The following KIAA1217 variants were observed in gnomAD, a reference collection of about 807,000 sequenced individuals.
KIAA1217 encodes the protein sickle tail protein homolog.
KIAA1217 carries 88 observed loss-of-function variants against 163.9 expected under a neutral mutation model. That is an observed-to-expected ratio of 0.54 (90% CI 0.45 to 0.64). The LOEUF is 0.64. KIAA1217 is among the 30% of genes least tolerant of loss of function. KIAA1217 has a pLI of 0.00. For missense variants in KIAA1217, 2,372 were observed against 2,475.0 expected (o/e 0.96, Z 0.88); for synonymous variants, 903 against 923.1 (o/e 0.98, Z 0.39).
At chr10:24,054,284 G>A (rs550097787) in intron 2 of KIAA1217, among the ~76,000 whole-genome samples, 2 of 152,312 alleles carry the variant, frequency 1.3e-5, no homozygotes, top group East Asian at 3.9e-4. Context: ...AGTTGAATAC[G>A]TGGATCTAGA....
intron 1 of KIAA1217, among the ~76,000 whole-genome samples, chr10:23,925,527 A>G (rs1842987928): frequency 1.3e-5 from 2 of 152,224 alleles, no homozygotes; most frequent in African/African-American, 4.8e-5. Flanking sequence ...CTCGTTTAAT[A>G]CATTTCCAAG....
chr10:24,277,162 T>C (rs941691263), intron 2 of KIAA1217, among the ~76,000 whole-genome samples: 12 of 152,254 alleles, frequency 7.9e-5, no homozygotes, highest in Admixed American at 7.2e-4. Context: ...TTCAAATTGC[T>C]CTTTAACTCT....
intron 5 of KIAA1217, among the ~76,000 whole-genome samples, chr10:24,450,804 G>A (rs1468795647): frequency 6.6e-6 from 1 of 152,170 alleles, no homozygotes; most frequent in Admixed American, 6.6e-5. Flanking sequence ...AAGTAACAGA[G>A]CTGGGATTTA....
intron 1 of KIAA1217, among the ~76,000 whole-genome samples, chr10:23,966,953 A>AT (rs1845089834): frequency 6.6e-6 from 1 of 152,162 alleles, no homozygotes; most frequent in African/African-American, 2.4e-5. Flanking sequence ...TGACCCTTTT[A>AT]TTTTAAAACT....
intron 2 of KIAA1217, among the ~76,000 whole-genome samples, chr10:24,288,923 A>G (rs746535180): frequency 1.3e-5 from 2 of 152,194 alleles, no homozygotes; most frequent in South Asian, 2.1e-4. Context: ...GGCAAGTCCA[A>G]TGAGAAGGGT....
intron 1 of KIAA1217, among the ~76,000 whole-genome samples, chr10:23,739,487 A>G (rs748187309): frequency 2.0e-5 from 3 of 152,196 alleles, no homozygotes; most frequent in Admixed American, 6.5e-5. Context: ...TCAGTTGTGT[A>G]TGTTTCATAA....
At chr10:24,266,058 T>C (rs1326028751) in intron 2 of KIAA1217, among the ~76,000 whole-genome samples, 1 of 152,018 alleles carries the variant, frequency 6.6e-6, no homozygotes, top group Admixed American at 6.6e-5. Context: ...AACATCAAAT[T>C]TGTGTATCTG....
rs1394490051 is a variant in KIAA1217, at chr10:23,990,714, T to C, written c.-320-16511T>C. ...TTACTATAGGAAGAGCAAAGAGTCATGAGCAAATAAAAATGTAAGGAACTG... is the reference window on the plus strand; with the variant it reads ...TTACTATAGGAAGAGCAAAGAGTCACGAGCAAATAAAAATGTAAGGAACTG... On this transcript the variant is annotated intron_variant, in intron 1 of 18. Transcript: ENST00000376462. Among the ~76,000 whole-genome samples, 11 of 152,216 alleles carry C rather than the reference T, an allele frequency of 7.2e-5. 1 individual carries two copies. The highest frequency in any genetic ancestry group is 7.2e-4 in the Admixed American group (11 of 15,272).
At chr10:23,738,016 A>G (rs1013485384) in intron 1 of KIAA1217, among the ~76,000 whole-genome samples, 3 of 151,716 alleles carry the variant, frequency 2.0e-5, no homozygotes, top group Non-Finnish European at 4.4e-5. Context: ...TAACATATAA[A>G]TAGCACGTAG....
At chr10:24,538,201 T>C (rs2074315293) in intron 17 of KIAA1217, among the ~76,000 whole-genome samples, 2 of 152,242 alleles carry the variant, frequency 1.3e-5, no homozygotes, top group Non-Finnish European at 2.9e-5. Flanking sequence ...AGACACAGTT[T>C]TGGGCTCCCA....
chr10:23,756,700 TA>T (rs1343046805), intron 1 of KIAA1217, among the ~76,000 whole-genome samples: 2 of 152,216 alleles, frequency 1.3e-5, no homozygotes, highest in Non-Finnish European at 2.9e-5. Flanking sequence ...AATAGCTATT[TA>T]AAAATTATTA....
At chr10:24,201,136 C>T (rs1467661876) in intron 2 of KIAA1217, among the ~76,000 whole-genome samples, 1 of 151,784 alleles carries the variant, frequency 6.6e-6, no homozygotes, top group African/African-American at 2.4e-5. Flanking sequence ...CCAGACGTGG[C>T]GGCACGCACC....
chr10:23,927,325 G>GGTGTGTGTGTGT (rs57321785), intron 1 of KIAA1217, among the ~76,000 whole-genome samples: 1,783 of 143,070 alleles, frequency 0.012, 26 homozygotes, highest in African/African-American at 0.039. Flanking sequence ...CAAGTCATAG[G>GGTGTGTGTGTGT]GTGTGTGTGT....
chr10:23,872,516 G>C (rs969469509), intron 1 of KIAA1217, among the ~76,000 whole-genome samples: 1 of 152,058 alleles, frequency 6.6e-6, no homozygotes, highest in South Asian at 2.1e-4. Context: ...ACTGCAGAGA[G>C]CTTCATTTAC....
intron 17 of KIAA1217, among the ~76,000 whole-genome samples, chr10:24,540,778 T>C (rs1429417990): frequency 2.0e-5 from 3 of 152,136 alleles, no homozygotes; most frequent in Non-Finnish European, 4.4e-5. Flanking sequence ...TATATACATA[T>C]ATTTTGAGAC....
chr10:24,173,463 C>T (rs1397115781), intron 2 of KIAA1217, among the ~76,000 whole-genome samples: 2 of 152,144 alleles, frequency 1.3e-5, no homozygotes, highest in African/African-American at 2.4e-5. Flanking sequence ...CCCTGACCCT[C>T]GTCTGTGTAA....
intron 1 of KIAA1217, among the ~76,000 whole-genome samples, chr10:23,974,664 A>G (rs374925393): frequency 2.0e-5 from 3 of 152,254 alleles, no homozygotes; most frequent in South Asian, 2.1e-4. Flanking sequence ...TCTGCAAAAA[A>G]TAAAAAATAA....
chr10:24,257,868 G>T (rs2075325159), intron 2 of KIAA1217, among the ~76,000 whole-genome samples: 1 of 152,074 alleles, frequency 6.6e-6, no homozygotes, highest in Non-Finnish European at 1.5e-5. Flanking sequence ...CTTCCCCTAG[G>T]CCCCAGTGTT....
intron 2 of KIAA1217, among the ~76,000 whole-genome samples, chr10:24,018,195 A>C (rs1313598825): frequency 6.6e-6 from 1 of 152,128 alleles, no homozygotes; most frequent in Non-Finnish European, 1.5e-5. Context: ...AACACAAAAA[A>C]GTGAGAACCC....
Sources: allele counts gnomAD v4.1 joint callset (sites outside exome capture counted in the v4.1 genomes callset), GRCh38; gene constraint gnomAD v4.1.1; transcripts MANE v1.5; gene names NCBI Gene and HGNC (gene_info 2026-07-23, HGNC 2026-07-21).